The following PPA2 variants were observed in gnomAD, a reference collection of about 807,000 sequenced individuals.
PPA2 encodes inorganic pyrophosphatase 2, mitochondrial.
PPA2 carries 48 observed loss-of-function variants against 49.5 expected under a neutral mutation model. The ratio of observed to expected loss-of-function variants is 0.97; its 90% CI spans 0.77 to 1.23. The LOEUF is 1.23. Ranked by LOEUF, PPA2 falls within the 50% of genes most tolerant of loss-of-function variation. PPA2 has a pLI of 0.00. For missense variants in PPA2, 429 were observed against 410.1 expected (o/e 1.05, Z -0.40); for synonymous variants, 131 against 139.9 (o/e 0.94, Z 0.45).
In PPA2 at chr4:105,437,976, T is replaced by C. The variant is rs764329827; in HGVS notation, c.502A>G (p.Ile168Val). 1.1e-5 allele frequency: 17 copies of C among 1,609,658 alleles called. No individual in the cohort carries two copies. The South Asian group carries it at 1.8e-4, about 17-fold the overall frequency. The change falls in exon 6 of 12, where the codon ATT (isoleucine) becomes GTT (valine). Residue 168 changes from isoleucine (I) to valine (V), a missense_variant. Physicochemically the swap from Ile to Val is conservative, Grantham distance 29. Transcript: ENST00000341695. Reference sequence around the variant, plus strand: ...TTTGAGCCTATTTCGCAAACATCAATAGGATCATTATCTCCAAAGCAGTTC... The same window carrying C: ...TTTGAGCCTATTTCGCAAACATCAACAGGATCATTATCTCCAAAGCAGTTC... ...STNCFGDNDP[I>V]DVCEIGSKIL... is the part of the protein sequence containing the mutation.
intron 7 of PPA2, among the ~76,000 whole-genome samples, chr4:105,403,812 G>C (rs934201904): frequency 2.6e-5 from 4 of 151,630 alleles, no homozygotes; most frequent in African/African-American, 7.3e-5. Context: ...CCTTCACTGG[G>C]GATACTGTAT....
intron 1 of PPA2, among the ~76,000 whole-genome samples, chr4:105,465,919 A>G (rs1723283241): frequency 6.6e-6 from 1 of 151,884 alleles, no homozygotes; most frequent in Admixed American, 6.6e-5. Flanking sequence ...CAAATGTTGG[A>G]CTTTCTGGAT....
At chr4:105,449,547 A>T (rs1374674003) in intron 3 of PPA2, 144 bp from the exon 4 acceptor site, 5 of 501,000 alleles carry the variant, frequency 1.0e-5, no homozygotes, top group Non-Finnish European at 1.8e-5. Flanking sequence ...CTATGCCTTA[A>T]ATTTTTTCTA....
chr4:105,371,112 G>T (rs1733008575), intron 10 of PPA2, among the ~76,000 whole-genome samples: 1 of 152,078 alleles, frequency 6.6e-6, no homozygotes, highest in Non-Finnish European at 1.5e-5. Context: ...TTAACCCATG[G>T]AATCCACTGA....
chr4:105,402,411 C>G lies in PPA2; in HGVS notation c.656-3247G>C, dbSNP rs140540688. Among the ~76,000 whole-genome samples, 471 of 152,286 alleles carry G rather than the reference C, an allele frequency of 3.1e-3. 3 individuals are homozygous for G. The highest frequency in any genetic ancestry group is 0.011 in the African/African-American group (461 of 41,568). ...TCAGGGATATCCTCTGGTGAAATCA[C>G]TTTAGTAGAGTCTTGGATGAACTGT... On this transcript the variant is annotated intron_variant, in intron 7 of 11. Transcript: ENST00000341695.
chr4:105,444,572 G>C (rs962726462), intron 5 of PPA2, among the ~76,000 whole-genome samples: 8 of 152,144 alleles, frequency 5.3e-5, no homozygotes, highest in Admixed American at 5.2e-4. Flanking sequence ...AGAACATCTG[G>C]AAATCCAGAC....
chr4:105,471,566 A>G (rs1172541721), intron 1 of PPA2, among the ~76,000 whole-genome samples: 2 of 152,286 alleles, frequency 1.3e-5, no homozygotes, highest in East Asian at 3.9e-4. Flanking sequence ...TACTACACTC[A>G]TATTTTTTTT....
rs762183536 is a variant in PPA2 at position 105,456,762 on chromosome 4, A to C, written c.158-17T>G. 3 of 1,567,400 alleles carry C rather than the reference A, an allele frequency of 1.9e-6. No homozygotes were observed. The Admixed American group carries it at 5.3e-5, about 28-fold the overall frequency. On this transcript the variant is annotated splice_polypyrimidine_tract_variant and intron_variant, in intron 1 of 11. Transcript: ENST00000341695. ...TTACATTCTCTGCAAAGACACAAAC[A>C]AACAAAACAAAACAGAATTAAAGCA...
At chr4:105,462,411 C>A (rs1370981590) in intron 1 of PPA2, among the ~76,000 whole-genome samples, 1 of 152,192 alleles carries the variant, frequency 6.6e-6, no homozygotes, top group Non-Finnish European at 1.5e-5. Flanking sequence ...CAATGCAGGT[C>A]CATGACTGAA....
intron 5 of PPA2, among the ~76,000 whole-genome samples, chr4:105,443,258 C>T (rs1314162206): frequency 6.6e-6 from 1 of 151,738 alleles, no homozygotes; most frequent in African/African-American, 2.4e-5. Flanking sequence ...AAGGAGTGTT[C>T]CCAGGAAAGG....
At chr4:105,403,361 T>TA in intron 7 of PPA2, among the ~76,000 whole-genome samples, 1 of 152,114 alleles carries the variant, frequency 6.6e-6, no homozygotes, top group South Asian at 2.1e-4. Flanking sequence ...CCCAGATTTT[T>TA]AAAAAAGGCT....
chr4:105,403,735 T>G (rs1284979183), intron 7 of PPA2, among the ~76,000 whole-genome samples: 2 of 152,178 alleles, frequency 1.3e-5, no homozygotes, highest in Non-Finnish European at 2.9e-5. Context: ...CCTACCATTT[T>G]ATCTCTGCAG....
chr4:105,373,397 C>T (rs1302737756), intron 10 of PPA2, among the ~76,000 whole-genome samples: 2 of 152,120 alleles, frequency 1.3e-5, no homozygotes, highest in African/African-American at 4.8e-5. Context: ...TTGCTATATA[C>T]TCCTTAAATT....
At chr4:105,454,302 C>CTGTTGTTGT (rs111229489) in intron 2 of PPA2, among the ~76,000 whole-genome samples, 2,682 of 146,386 alleles carry the variant, frequency 0.018, 29 homozygotes, top group Non-Finnish European at 0.031. Flanking sequence ...TTTGCTGCTG[C>CTGTTGTTGT]TGTTGTTGTT....
chr4:105,409,463 G>A (rs774938130), intron 7 of PPA2, among the ~76,000 whole-genome samples: 3 of 152,242 alleles, frequency 2.0e-5, no homozygotes, highest in Non-Finnish European at 4.4e-5. Flanking sequence ...TGTGGGCAGG[G>A]CATAGCTGAA....
intron 6 of PPA2, among the ~76,000 whole-genome samples, chr4:105,429,627 T>G (rs1216280592): frequency 6.6e-6 from 1 of 152,212 alleles, no homozygotes; most frequent in Non-Finnish European, 1.5e-5. Flanking sequence ...GTGCTGAAAC[T>G]GAAGTTATTT....
intron 10 of PPA2, among the ~76,000 whole-genome samples, chr4:105,376,412 C>T (rs1733253292): frequency 6.6e-6 from 1 of 152,054 alleles, no homozygotes; most frequent in Non-Finnish European, 1.5e-5. Flanking sequence ...GTTCCAATTC[C>T]CCCTTGACTT....
intron 1 of PPA2, among the ~76,000 whole-genome samples, chr4:105,473,039 G>A (rs1395766129): frequency 1.3e-5 from 2 of 152,332 alleles, no homozygotes; most frequent in South Asian, 2.1e-4. Flanking sequence ...GAAAAGGGGA[G>A]CGATAATGCA....
At chr4:105,396,787 C>G (rs1294120780) in intron 8 of PPA2, among the ~76,000 whole-genome samples, 1 of 152,152 alleles carries the variant, frequency 6.6e-6, no homozygotes, top group Admixed American at 6.5e-5. Context: ...AACCCCTGAT[C>G]CAAGTCACAG....
Sources: allele counts gnomAD v4.1 joint callset (sites outside exome capture counted in the v4.1 genomes callset), GRCh38; gene constraint gnomAD v4.1.1; transcripts MANE v1.5; gene names NCBI Gene and HGNC (gene_info 2026-07-23, HGNC 2026-07-21).